The following DNAJB6 variants were observed in gnomAD, a reference collection of about 807,000 sequenced individuals.
DNAJB6 encodes the protein DnaJ heat shock protein family (Hsp40) member B6.
A neutral mutation model predicts 42.7 loss-of-function variants in DNAJB6; 16 were observed. The ratio of observed to expected loss-of-function variants is 0.37; its 90% CI spans 0.25 to 0.57. The LOEUF (loss-of-function observed/expected upper bound fraction) is 0.57. Ranked by LOEUF, DNAJB6 falls within the 20% of genes least tolerant of loss-of-function variation. DNAJB6 has a pLI of 0.74. For missense variants in DNAJB6, 347 were observed against 416.8 expected (o/e 0.83, Z 1.46); for synonymous variants, 170 against 163.5 (o/e 1.04, Z -0.30).
intron 5 of DNAJB6, chr7:157,379,132 C>G (rs774326286): frequency 1.3e-5 from 2 of 152,006 alleles, no homozygotes; most frequent in African/African-American, 2.4e-5. Flanking sequence ...TAACATAGTA[C>G]TCAGCCAGCT....
chr7:157,340,964 CTGTGTGTGTGTGTG>C (rs35976329), intron 1 of DNAJB6, among the ~76,000 whole-genome samples: 6 of 146,088 alleles, frequency 4.1e-5, no homozygotes, highest in Non-Finnish European at 7.5e-5. Context: ...CCGCACCTGG[CTGTGTGTGTGTGTG>C]TGTGTGTGTG....
At chr7:157,393,008 C>T (rs113694420) in intron 8 of DNAJB6, among the ~76,000 whole-genome samples, 11,552 of 152,202 alleles carry the variant, frequency 0.076, 523 homozygotes, top group Non-Finnish European at 0.11. Context: ...CTTGCTGTGT[C>T]GCCCAGGCTG....
chr7:157,386,369 C>T (rs1801058101), intron 8 of DNAJB6: 25 of 956,134 alleles, frequency 2.6e-5, no homozygotes, highest in Non-Finnish European at 3.1e-5. Flanking sequence ...CTTCTAGTGT[C>T]ACTTTAATAG....
intron 7 of DNAJB6, 24 bp downstream of exon 7, chr7:157,385,032 T>A (rs1800984892): frequency 6.2e-7 from 1 of 1,607,388 alleles, no homozygotes; most frequent in South Asian, 1.1e-5. Context: ...CTGCATTTTA[T>A]ATTTTTAGTA....
rs893593114 is a variant in DNAJB6 at position 157,367,470 on chromosome 7, A to G, written c.333A>G (p.Ser111=). The G allele has an allele frequency of 6.9e-6, 11 of 1,604,818 alleles. No homozygotes were observed. Among genetic ancestry groups the G allele is most frequent in the South Asian group, 1.1e-5 (1 of 90,886 alleles). The part of the protein sequence containing the change: ...REFFGGRDPF[S]FDFFEDPFED... ...TTTTTGGTGGAAGGGACCCATTTTC[A>G]TTTGACTTCTTTGGTAAGTTAATCA... Residue 111 remains serine (S), a synonymous_variant, in exon 5 of 10, where the codon TCA becomes TCG. Coordinates refer to ENST00000262177, the MANE Select transcript of DNAJB6 (RefSeq NM_058246.4).
intron 1 of DNAJB6, among the ~76,000 whole-genome samples, chr7:157,347,906 C>T (rs1411319477): frequency 6.6e-6 from 1 of 152,072 alleles, no homozygotes; most frequent in Non-Finnish European, 1.5e-5. Context: ...AGCGATTCTT[C>T]TGCCTCAGCC....
chr7:157,351,998 AAAACAAAC>A (rs139390611), intron 1 of DNAJB6, among the ~76,000 whole-genome samples: 1,877 of 152,134 alleles, frequency 0.012, 25 homozygotes, highest in Middle Eastern at 0.034. Context: ...CACTATCTCA[AAAACAAAC>A]AAACAAACAA....
At chr7:157,400,898 G>C (rs894113127) in intron 8 of DNAJB6, among the ~76,000 whole-genome samples, 4 of 152,358 alleles carry the variant, frequency 2.6e-5, no homozygotes, top group Non-Finnish European at 5.9e-5. Context: ...CCCTTGGCTT[G>C]TTTCTGTGTG....
chr7:157,395,526 G>A (rs1424263053), intron 8 of DNAJB6, among the ~76,000 whole-genome samples: 2 of 152,164 alleles, frequency 1.3e-5, no homozygotes, highest in African/African-American at 4.8e-5. Context: ...TCTTATGGAA[G>A]TCCCTGATGG....
At chr7:157,380,968 A>C (rs184324587) in intron 5 of DNAJB6, 1 of 150,536 alleles carries the variant, frequency 6.6e-6, no homozygotes, top group African/African-American at 2.4e-5. Context: ...GTCAGAGTCA[A>C]CCTCAGGTGC....
intron 5 of DNAJB6, among the ~76,000 whole-genome samples, chr7:157,372,461 C>G (rs970741968): frequency 6.6e-6 from 1 of 152,200 alleles, no homozygotes; most frequent in African/African-American, 2.4e-5. Context: ...CGGGCCAGAG[C>G]TGGGGCGCTG....
At chr7:157,345,818 G>A (rs2116874222) in intron 1 of DNAJB6, among the ~76,000 whole-genome samples, 1 of 152,202 alleles carries the variant, frequency 6.6e-6, no homozygotes, top group East Asian at 1.9e-4. Context: ...GGGTTCTAAT[G>A]GACACCTATG....
Position 157,366,837 on chromosome 7 carries a change from C to T in DNAJB6, c.235+276C>T, listed in dbSNP as rs1799870378. Reference sequence around the variant, plus strand: ...CATATACCCTTAGATCAGCACTTGACGTTATGTCAAAATATCCTAAGGGTT... The same window carrying T: ...CATATACCCTTAGATCAGCACTTGATGTTATGTCAAAATATCCTAAGGGTT... On this transcript the variant is annotated intron_variant, in intron 4 of 9. Coordinates refer to ENST00000262177, the MANE Select transcript of DNAJB6 (RefSeq NM_058246.4). Among the ~76,000 whole-genome samples, 4 of 152,170 alleles carry T rather than the reference C, an allele frequency of 2.6e-5. No individual in the cohort carries two copies. The South Asian group carries it at 6.2e-4, about 24-fold the overall frequency.
chr7:157,339,281 CTTTTTTTTT>C (rs34284253), intron 1 of DNAJB6, among the ~76,000 whole-genome samples: 202 of 68,268 alleles, frequency 3.0e-3, no homozygotes, highest in African/African-American at 0.01. Flanking sequence ...CTGTTTGCAC[CTTTTTTTTT>C]TTTTTTTTTT....
At chr7:157,378,960 G>T (rs916733954) in intron 5 of DNAJB6, 2 of 152,012 alleles carry the variant, frequency 1.3e-5, no homozygotes, top group African/African-American at 4.8e-5. Context: ...CATTTTTAGG[G>T]TAATTTGTGA....
rs11334356 is a variant in DNAJB6 at position 157,361,161 on chromosome 7, G to GTTTT, written c.66-1988_66-1985dup. On this transcript the variant is annotated intron_variant, in intron 2 of 9. Transcript: ENST00000262177. ...AGGGTTATTTGATCCACTGCTACAC[G>GTTTT]TTTTTTTTTTTTTTTGAGACGGTGT... 6.5e-5 allele frequency among the ~76,000 whole-genome samples: 9 copies of GTTTT among 138,924 alleles called. No homozygotes were observed. The South Asian group carries it at 2.1e-3, about 32-fold the overall frequency. 91.1% of individuals were successfully genotyped at this position (138,924 alleles called of 152,430 possible).
chr7:157,352,899 T>A (rs1799068647), intron 1 of DNAJB6, among the ~76,000 whole-genome samples: 1 of 152,110 alleles, frequency 6.6e-6, no homozygotes, highest in Admixed American at 6.5e-5. Context: ...GTTCCTACGC[T>A]GTGAACATTA....
At chr7:157,383,800 A>T (rs1343439582) in intron 6 of DNAJB6, among the ~76,000 whole-genome samples, 1 of 152,216 alleles carries the variant, frequency 6.6e-6, no homozygotes, top group East Asian at 1.9e-4. Context: ...GATCAGCAGG[A>T]GTGTGAAATA....
chr7:157,361,379 G>A (rs1263144219), intron 2 of DNAJB6, among the ~76,000 whole-genome samples: 4 of 152,034 alleles, frequency 2.6e-5, no homozygotes, highest in Admixed American at 6.6e-5. Context: ...GGATGGTCTC[G>A]ATCTCTTGAC....
Sources: allele counts gnomAD v4.1 joint callset (sites outside exome capture counted in the v4.1 genomes callset), GRCh38; gene constraint gnomAD v4.1.1; transcripts MANE v1.5; gene names NCBI Gene and HGNC (gene_info 2026-07-23, HGNC 2026-07-21).